Variants in SEMA3D observed in about 807,000 individuals in gnomAD.
SEMA3D encodes the protein semaphorin 3D.
Under a neutral mutation model 100.1 loss-of-function variants are expected in SEMA3D, and 84 were observed. That is an observed-to-expected ratio of 0.84 (90% confidence interval 0.70 to 1.01). The LOEUF (loss-of-function observed/expected upper bound fraction) is 1.01, where lower values mean the gene tolerates loss of function less well. SEMA3D is among the 50% of genes least tolerant of loss of function. The pLI, the probability that SEMA3D is intolerant of heterozygous loss-of-function variation, is 0.00. For synonymous variants in SEMA3D, 312 were observed against 320.7 expected, an observed-to-expected ratio of 0.97 and a Z score of 0.29; for missense variants, 875 against 934.1, an observed-to-expected ratio of 0.94 and a Z score of 0.82.
intron 3 of SEMA3D, among the ~76,000 whole-genome samples, chr7:85,099,944 T>C (rs1788691917): frequency 6.6e-6 from 1 of 152,032 alleles, no homozygotes; most frequent in African/African-American, 2.4e-5. Flanking sequence ...TCATCAGATA[T>C]ATCTTTTGCA....
the SEMA3D span, among the ~76,000 whole-genome samples, chr7:85,236,872 A>G: frequency 6.6e-6 from 1 of 152,192 alleles, no homozygotes. Context: ...AGAGCTAAAG[A>G]ATTTTAAAAA....
the SEMA3D span, among the ~76,000 whole-genome samples, chr7:85,192,445 T>C: frequency 6.6e-6 from 1 of 152,086 alleles, no homozygotes; most frequent in Non-Finnish European, 1.5e-5. Context: ...CTGACTGTAA[T>C]TCCTTTGTTC....
chr7:85,096,543 A>T (rs1260666534), intron 4 of SEMA3D, among the ~76,000 whole-genome samples: 1 of 151,876 alleles, frequency 6.6e-6, no homozygotes, highest in Admixed American at 6.6e-5. Context: ...CATGAAATGT[A>T]TGTGTATACA....
intron 5 of SEMA3D, among the ~76,000 whole-genome samples, chr7:85,075,574 T>TCCTC (rs1791899663): frequency 6.6e-6 from 1 of 152,100 alleles, no homozygotes; most frequent in African/African-American, 2.4e-5. Flanking sequence ...TTTATGAAAT[T>TCCTC]CCTCCCTTCT....
chr7:85,164,667 A>C (rs554721942), intron 1 of SEMA3D, among the ~76,000 whole-genome samples: 1 of 152,256 alleles, frequency 6.6e-6, no homozygotes, highest in South Asian at 2.1e-4. Context: ...GTTTATTGAA[A>C]GACTGAATGT....
chr7:85,092,411 T>A (rs142250654), intron 4 of SEMA3D, among the ~76,000 whole-genome samples: 1 of 152,056 alleles, frequency 6.6e-6, no homozygotes, highest in African/African-American at 2.4e-5. Context: ...AAAGAAATGC[T>A]GGCTCAAGTA....
intron 3 of SEMA3D, among the ~76,000 whole-genome samples, chr7:85,099,637 T>C (rs1310087831): frequency 6.6e-6 from 1 of 151,954 alleles, no homozygotes; most frequent in African/African-American, 2.4e-5. Context: ...CCACTTTGCA[T>C]TTCCACTAGC....
At chr7:85,195,931 A>G in the SEMA3D span, among the ~76,000 whole-genome samples, 1 of 152,178 alleles carries the variant, frequency 6.6e-6, no homozygotes. Context: ...AAGTGATCAC[A>G]TAGTTCATGG....
the SEMA3D span, among the ~76,000 whole-genome samples, chr7:85,212,108 G>C: frequency 6.6e-6 from 1 of 152,056 alleles, no homozygotes; most frequent in East Asian, 1.9e-4. Context: ...TAGTCATGGA[G>C]AAGCATGCTT....
the SEMA3D span, among the ~76,000 whole-genome samples, chr7:85,208,498 T>A: frequency 4.6e-5 from 7 of 152,074 alleles, no homozygotes; most frequent in Non-Finnish European, 1.0e-4. Context: ...TTTCTAGAAA[T>A]TCATTCTATG....
chr7:85,070,551 A>G lies in SEMA3D; in HGVS notation c.496-2267T>C, dbSNP rs531532338. ...CTTCTAAACTCCCTCTAGAAGTACA[A>G]TGATTTCTTGGGACTAATGATTCAT... On this transcript the variant is annotated intron_variant, in intron 6 of 18. Transcript: ENST00000284136. Among the ~76,000 whole-genome samples, 10 of 152,278 alleles carry G rather than the reference A, an allele frequency of 6.6e-5. No individual in the cohort carries two copies. In the East Asian group the frequency reaches 1.7e-3, roughly 26 times the overall value.
chr7:85,118,651 A>C (rs952986679), intron 3 of SEMA3D, among the ~76,000 whole-genome samples: 1 of 152,100 alleles, frequency 6.6e-6, no homozygotes, highest in Non-Finnish European at 1.5e-5. Flanking sequence ...TAAGTTCCTC[A>C]TAGATGCTTT....
chr7:85,092,579 T>C (rs1391992342), intron 4 of SEMA3D, among the ~76,000 whole-genome samples: 1 of 152,042 alleles, frequency 6.6e-6, no homozygotes, highest in Non-Finnish European at 1.5e-5. Context: ...AAGATATATA[T>C]TAAATGATGC....
intron 2 of SEMA3D, among the ~76,000 whole-genome samples, chr7:85,131,573 C>A (rs549481520): frequency 4.6e-5 from 7 of 152,024 alleles, no homozygotes; most frequent in African/African-American, 1.7e-4. Flanking sequence ...TAAAAAGATT[C>A]AAAGAAGTGT....
intron 1 of SEMA3D, among the ~76,000 whole-genome samples, chr7:85,156,023 T>C (rs1365977007): frequency 6.6e-6 from 1 of 152,218 alleles, no homozygotes; most frequent in Non-Finnish European, 1.5e-5. Context: ...ACCTATTTGT[T>C]ACATATATAC....
chr7:85,149,113 T>C (rs1790293367), intron 2 of SEMA3D, among the ~76,000 whole-genome samples: 4 of 152,094 alleles, frequency 2.6e-5, no homozygotes, highest in Admixed American at 2.6e-4. Flanking sequence ...TTAAAATGTC[T>C]TAATAAACAG....
At chr7:85,187,821 T>C (rs148358661), upstream of SEMA3D, among the ~76,000 whole-genome samples, 841 of 152,176 alleles carry the variant, frequency 5.5e-3, 10 homozygotes, top group African/African-American at 0.019. Context: ...ACAATGAGAG[T>C]TCATGAGGCC....
chr7:85,249,164 A>T, the SEMA3D span, among the ~76,000 whole-genome samples: 1 of 152,150 alleles, frequency 6.6e-6, no homozygotes, highest in Non-Finnish European at 1.5e-5. Flanking sequence ...TAAGTGTTCT[A>T]AAAACAAACA....
the SEMA3D span, among the ~76,000 whole-genome samples, chr7:85,193,468 G>A: frequency 2.6e-5 from 4 of 152,030 alleles, no homozygotes; most frequent in South Asian, 2.1e-4. Flanking sequence ...TTCTGTTCTC[G>A]TTGGCAAAGC....
Sources: allele counts gnomAD v4.1 joint callset (sites outside exome capture counted in the v4.1 genomes callset), GRCh38; gene constraint gnomAD v4.1.1; transcripts MANE v1.5; gene names NCBI Gene and HGNC (gene_info 2026-07-23, HGNC 2026-07-21).